CNTN6: variants seen among roughly 807,000 people sequenced by gnomAD.
The protein encoded by CNTN6 is contactin 6.
CNTN6 carries 137 observed loss-of-function variants against 122.8 expected under a neutral mutation model. That is an observed-to-expected ratio of 1.12 (90% confidence interval 0.97 to 1.29). The LOEUF is 1.29. Among genes scored for constraint, CNTN6 ranks in the 50% most tolerant of loss-of-function variants. CNTN6 has a pLI of 0.00. For missense variants in CNTN6, 1,634 were observed against 1,223.4 expected, an observed-to-expected ratio of 1.34 and a Z score of -5.01; for synonymous variants, 570 against 426.0, an observed-to-expected ratio of 1.34 and a Z score of -4.16.
At chr3:1,288,540 C>G (rs1694743320) in intron 5 of CNTN6, among the ~76,000 whole-genome samples, 1 of 152,118 alleles carries the variant, frequency 6.6e-6, no homozygotes, top group Non-Finnish European at 1.5e-5. Context: ...TGGAATATTC[C>G]AAAGGGGGGA....
intron 4 of CNTN6, among the ~76,000 whole-genome samples, chr3:1,277,346 C>CTTTTTTTTTTTTTTTTTTTTTTTTTTT (rs10599744): frequency 2.5e-5 from 2 of 80,186 alleles, no homozygotes; most frequent in African/African-American, 4.5e-5. Flanking sequence ...AGTAGGTTTT[C>CTTTTTTTTTTTTTTTTTTTTTTTTTTT]TTTTTTTTTT....
chr3:1,191,426 C>T (rs75797322), intron 2 of CNTN6, among the ~76,000 whole-genome samples: 27 of 152,094 alleles, frequency 1.8e-4, no homozygotes, highest in African/African-American at 2.4e-5. Context: ...AGTCCCTAGC[C>T]TATGAGGTTT....
At chr3:1,094,304 G>A (rs779134732) in intron 1 of CNTN6, among the ~76,000 whole-genome samples, 1 of 152,040 alleles carries the variant, frequency 6.6e-6, no homozygotes, top group African/African-American at 2.4e-5. Context: ...ACATACGCAT[G>A]TTCACAAAAC....
rs77604210 is a variant in CNTN6, at chr3:1,284,209, T to G, written c.454+5701T>G. On this transcript the variant is annotated intron_variant, in intron 5 of 22. Coordinates refer to ENST00000446702, the MANE Select transcript of CNTN6 (RefSeq NM_001289080.2). ...GACTGTCTGAGCCCACTGTTTGTAT[T>G]TGCATCAGTAAAGATGTTGACAATT... Among the ~76,000 whole-genome samples the G allele has an allele frequency of 6.3e-3, 958 of 152,302 alleles. 8 individuals are homozygous for G. The highest frequency in any genetic ancestry group is 0.021 in the African/African-American group (882 of 41,566).
intron 11 of CNTN6, among the ~76,000 whole-genome samples, chr3:1,347,474 C>T (rs1704911498): frequency 6.6e-6 from 1 of 152,022 alleles, no homozygotes; most frequent in Non-Finnish European, 1.5e-5. Flanking sequence ...AGGAAACATA[C>T]CAACACCGTA....
At chr3:1,350,573 A>G (rs1705466728) in intron 11 of CNTN6, among the ~76,000 whole-genome samples, 2 of 151,892 alleles carry the variant, frequency 1.3e-5, no homozygotes, top group African/African-American at 4.8e-5. Context: ...TCGATTTAGC[A>G]AACATTGAAG....
At chr3:1,388,316 C>T (rs569696793) in intron 20 of CNTN6, among the ~76,000 whole-genome samples, 15 of 146,498 alleles carry the variant, frequency 1.0e-4, no homozygotes, top group East Asian at 8.0e-4. Flanking sequence ...ACACCTCACA[C>T]GGCAGGGTAT....
intron 11 of CNTN6, among the ~76,000 whole-genome samples, chr3:1,347,665 G>A (rs968333421): frequency 5.9e-5 from 9 of 152,084 alleles, no homozygotes; most frequent in Non-Finnish European, 1.2e-4. Context: ...AGTCTTGGAA[G>A]AGAGAAAATG....
intron 2 of CNTN6, among the ~76,000 whole-genome samples, chr3:1,150,109 C>T (rs954641893): frequency 1.2e-4 from 19 of 152,176 alleles, no homozygotes; most frequent in African/African-American, 4.6e-4. Flanking sequence ...AACATTGCTC[C>T]AGAGGTAAGG....
intron 4 of CNTN6, among the ~76,000 whole-genome samples, chr3:1,245,727 A>C (rs1184580999): frequency 1.3e-5 from 2 of 152,100 alleles, no homozygotes; most frequent in East Asian, 3.9e-4. Flanking sequence ...TTATTGGAAC[A>C]ATAAGAAAGC....
intron 2 of CNTN6, among the ~76,000 whole-genome samples, chr3:1,220,020 A>G (rs2094185552): frequency 6.6e-6 from 1 of 150,550 alleles, no homozygotes; most frequent in Non-Finnish European, 1.5e-5. Context: ...AAAAGAAAAT[A>G]AAAAAGAAAA....
intron 12 of CNTN6, among the ~76,000 whole-genome samples, chr3:1,361,715 C>T (rs758501440): frequency 2.2e-4 from 33 of 152,010 alleles, no homozygotes; most frequent in Non-Finnish European, 3.7e-4. Context: ...TCACACCAAC[C>T]TCCCACTGAT....
Position 1,227,916 on chromosome 3 carries a change from A to T in CNTN6, c.281A>T (p.Asp94Val). 1.2e-6 allele frequency: 2 copies of T among 1,614,110 alleles called. No individual in the cohort carries two copies. Among genetic ancestry groups the T allele is most frequent in the Non-Finnish European group, 8.5e-7 (1 of 1,179,996 alleles). ...LAINSPHTDQ[D>V]IGMYQCLATN... The stretch of plus-strand genomic sequence containing the variant: ...ATCAATAGCCCCCACACAGATCAAG[A>T]TATTGGCATGTACCAGTGCCTGGCC... The change falls in exon 4 of 23, where the codon GAT becomes GTT. Residue 94 changes from aspartate (D) to valine (V), a missense_variant. Transcript: ENST00000446702.
In CNTN6 at chr3:1,273,055, G is replaced by A. The variant is rs17036966; in HGVS notation, c.359-5358G>A. 4.5e-3 allele frequency among the ~76,000 whole-genome samples: 685 copies of A among 152,142 alleles called. 4 individuals are homozygous for A. The highest frequency in any genetic ancestry group is 0.016 in the African/African-American group (654 of 41,528). On this transcript the variant is annotated intron_variant, in intron 4 of 22. Coordinates refer to ENST00000446702, the MANE Select transcript of CNTN6 (RefSeq NM_001289080.2). ...TGGCCTTTGGAACAGAGCCTTATTC[G>A]TGACTGCATTTTTGCTTATACTCCT...
At chr3:1,143,826 G>A (rs947250274) in intron 1 of CNTN6, among the ~76,000 whole-genome samples, 6 of 152,190 alleles carry the variant, frequency 3.9e-5, no homozygotes, top group Admixed American at 3.9e-4. Flanking sequence ...CATTTGCTAT[G>A]AAATTATACA....
chr3:1,336,297 A>G (rs1177691188), intron 11 of CNTN6, among the ~76,000 whole-genome samples: 1 of 125,782 alleles, frequency 8.0e-6, no homozygotes, highest in Non-Finnish European at 1.9e-5. Flanking sequence ...TCAAAACATT[A>G]AAGCACATTT....
chr3:1,332,140 A>C (rs1702376016), intron 11 of CNTN6, among the ~76,000 whole-genome samples: 2 of 151,980 alleles, frequency 1.3e-5, no homozygotes. Context: ...TTATCTCCTT[A>C]CTGTGCATTC....
intron 4 of CNTN6, among the ~76,000 whole-genome samples, chr3:1,274,812 T>C (rs1222920333): frequency 1.3e-5 from 2 of 152,124 alleles, no homozygotes; most frequent in Non-Finnish European, 2.9e-5. Context: ...ATCATAGTAA[T>C]TACCACTACC....
At chr3:1,189,857 A>C (rs1430749692) in intron 2 of CNTN6, among the ~76,000 whole-genome samples, 2 of 152,224 alleles carry the variant, frequency 1.3e-5, no homozygotes, top group Non-Finnish European at 2.9e-5. Flanking sequence ...CTCTTTTTAC[A>C]GGCAAACAAA....
Sources: allele counts gnomAD v4.1 joint callset (sites outside exome capture counted in the v4.1 genomes callset), GRCh38; gene constraint gnomAD v4.1.1; transcripts MANE v1.5; gene names NCBI Gene and HGNC (gene_info 2026-07-23, HGNC 2026-07-21).